The following RANBP9 variants were observed in gnomAD, a reference collection of about 807,000 sequenced individuals.
The protein encoded by RANBP9 is ran-binding protein 9.
A neutral mutation model predicts 84.3 loss-of-function variants in RANBP9; 15 were observed. The observed-to-expected ratio is 0.18, with a 90% CI of 0.12 to 0.27. The LOEUF (loss-of-function observed/expected upper bound fraction) is 0.27, where lower values mean the gene tolerates loss of function less well. RANBP9 is among the 10% of genes least tolerant of loss of function. RANBP9 has a pLI of 1.00. For synonymous variants in RANBP9, 392 were observed against 349.6 expected (o/e 1.12, Z -1.35); for missense variants, 809 against 912.8 (o/e 0.89, Z 1.46).
intron 1 of RANBP9, 111 bp downstream of exon 1, chr6:13,710,824 G>T: frequency 1.6e-6 from 2 of 1,239,438 alleles, no homozygotes; most frequent in South Asian, 1.5e-5. Flanking sequence ...AGTGGCCTCC[G>T]AGGGCAGAGC....
At chr6:13,710,135 G>A (rs867100065) in intron 1 of RANBP9, among the ~76,000 whole-genome samples, 1 of 152,200 alleles carries the variant, frequency 6.6e-6, no homozygotes, top group Non-Finnish European at 1.5e-5. Flanking sequence ...AGGTGAGGGA[G>A]GAAAGGGGCA....
At chr6:13,624,332 A>T (rs1335678598) in intron 13 of RANBP9, among the ~76,000 whole-genome samples, 1 of 152,144 alleles carries the variant, frequency 6.6e-6, no homozygotes. Context: ...AAGTCTCCCT[A>T]TCTAAACTAC....
At chr6:13,632,891 T>C (rs1353552211) in intron 11 of RANBP9, 1 of 160,246 alleles carries the variant, frequency 6.2e-6, no homozygotes. Context: ...CAGGCTGCCT[T>C]AACTGACGTA....
chr6:13,653,981 TTAATA>T (rs1333439014), intron 4 of RANBP9, among the ~76,000 whole-genome samples: 1 of 152,032 alleles, frequency 6.6e-6, no homozygotes, highest in Non-Finnish European at 1.5e-5. Flanking sequence ...AGAGAATATT[TTAATA>T]TACTATAAAC....
chr6:13,661,125 T>A (rs1765530789), intron 2 of RANBP9, among the ~76,000 whole-genome samples: 1 of 152,200 alleles, frequency 6.6e-6, no homozygotes, highest in South Asian at 2.1e-4. Context: ...GCTAAGAATA[T>A]ACTGATATCC....
chr6:13,675,150 T>A (rs1456116044), intron 2 of RANBP9, among the ~76,000 whole-genome samples: 1 of 152,222 alleles, frequency 6.6e-6, no homozygotes, highest in African/African-American at 2.4e-5. Flanking sequence ...AACTGAAAAG[T>A]ATCATCCATC....
intron 2 of RANBP9, among the ~76,000 whole-genome samples, chr6:13,679,832 T>C (rs6459020): frequency 0.4 from 61,408 of 151,984 alleles, 12,899 homozygotes; most frequent in Admixed American, 0.51. Context: ...TGTTTTTCAA[T>C]AATATTTCTC....
chr6:13,672,831 T>C (rs1245743666), intron 2 of RANBP9, among the ~76,000 whole-genome samples: 10 of 151,496 alleles, frequency 6.6e-5, no homozygotes, highest in African/African-American at 1.9e-4. Context: ...AAGAATGCCT[T>C]TGACGAGCAA....
intron 9 of RANBP9, among the ~76,000 whole-genome samples, 163 bp downstream of exon 9, chr6:13,639,400 G>C (rs932607398): frequency 1.3e-5 from 2 of 152,022 alleles, no homozygotes; most frequent in East Asian, 3.9e-4. Flanking sequence ...GGCTGGTCTC[G>C]AACTCCTGAC....
chr6:13,636,967 C>T (rs948925122), intron 10 of RANBP9, among the ~76,000 whole-genome samples: 1 of 152,068 alleles, frequency 6.6e-6, no homozygotes, highest in East Asian at 1.9e-4. Context: ...CACTGATGAC[C>T]ATTTCCTGAA....
At chr6:13,673,495 T>C (rs1765819474) in intron 2 of RANBP9, among the ~76,000 whole-genome samples, 1 of 152,218 alleles carries the variant, frequency 6.6e-6, no homozygotes, top group African/African-American at 2.4e-5. Flanking sequence ...ATACACTCTT[T>C]TATTTTTCTT....
At chr6:13,691,647 GT>G (rs373221884) in intron 2 of RANBP9, among the ~76,000 whole-genome samples, 18 of 148,396 alleles carry the variant, frequency 1.2e-4, no homozygotes, top group Admixed American at 7.4e-4. Context: ...AAAACTCAGT[GT>G]TTTTTTTTTG....
At chr6:13,671,508 C>A (rs1267608462) in intron 2 of RANBP9, among the ~76,000 whole-genome samples, 1 of 152,176 alleles carries the variant, frequency 6.6e-6, no homozygotes, top group South Asian at 2.1e-4. Context: ...AAAACATTAA[C>A]CTTTAAAACA....
At chr6:13,705,868 CAAAAAA>C (rs767070995) in intron 1 of RANBP9, among the ~76,000 whole-genome samples, 1 of 76,768 alleles carries the variant, frequency 1.3e-5, no homozygotes, top group African/African-American at 5.3e-5. Context: ...GACTCCGTCT[CAAAAAA>C]AAAAAAAAAA....
chr6:13,644,706 C>A lies in RANBP9; in HGVS notation c.951G>T (p.Gly317=), dbSNP rs768017540. The A allele has an allele frequency of 1.2e-6, 2 of 1,609,806 alleles. No homozygotes were observed. The highest frequency in any genetic ancestry group is 2.7e-5 in the African/African-American group (2 of 74,802). The part of the protein sequence containing the change: ...DLPPNLYPTV[G]LQTPGEVVDA... ...CGACCACTTCTCCTGGTGTTTGAAG[C>A]CCCACAGTAGGATACAAATTTGGCT... Residue 317 remains glycine, a synonymous_variant, in exon 6 of 14, where the codon GGG becomes GGT. Transcript: ENST00000011619.
chr6:13,685,857 G>A (rs939852654), intron 2 of RANBP9, among the ~76,000 whole-genome samples: 2 of 151,422 alleles, frequency 1.3e-5, no homozygotes, highest in African/African-American at 4.9e-5. Context: ...CTTGAACCTG[G>A]GAAGCAGAGA....
At chr6:13,706,995 G>C (rs1758144597) in intron 1 of RANBP9, among the ~76,000 whole-genome samples, 2 of 120,938 alleles carry the variant, frequency 1.7e-5, no homozygotes, top group African/African-American at 6.7e-5. Flanking sequence ...GATAGAGCAA[G>C]ACTCTGTCTC....
intron 13 of RANBP9, among the ~76,000 whole-genome samples, chr6:13,625,056 T>A (rs551804022): frequency 6.6e-6 from 1 of 152,174 alleles, no homozygotes; most frequent in African/African-American, 2.4e-5. Flanking sequence ...AGTTTGAGCT[T>A]CTCTGATATT....
intron 2 of RANBP9, among the ~76,000 whole-genome samples, chr6:13,686,283 T>C (rs1268501611): frequency 6.6e-6 from 1 of 151,594 alleles, no homozygotes; most frequent in Non-Finnish European, 1.5e-5. Flanking sequence ...TTTATTATTT[T>C]TATTTATTTA....
Sources: allele counts gnomAD v4.1 joint callset (sites outside exome capture counted in the v4.1 genomes callset), GRCh38; gene constraint gnomAD v4.1.1; transcripts MANE v1.5; gene names NCBI Gene and HGNC (gene_info 2026-07-23, HGNC 2026-07-21).